Variants in DPP10 observed in about 807,000 individuals in gnomAD.
DPP10 encodes inactive dipeptidyl peptidase 10.
DPP10 carries 33 observed loss-of-function variants against 120.9 expected under a neutral mutation model. That is an observed-to-expected ratio of 0.27 (90% CI 0.21 to 0.37). DPP10 has a LOEUF of 0.37. Among genes scored for constraint, DPP10 ranks in the 10% least tolerant of loss-of-function variants. DPP10 has a pLI of 1.00. For missense variants in DPP10, 816 were observed against 942.8 expected, an observed-to-expected ratio of 0.87 and a Z score of 1.76; for synonymous variants, 337 against 326.1, an observed-to-expected ratio of 1.03 and a Z score of -0.36.
intron 1 of DPP10, among the ~76,000 whole-genome samples, chr2:114,599,836 TA>T (rs1378974617): frequency 4.0e-5 from 6 of 151,736 alleles, no homozygotes; most frequent in Non-Finnish European, 7.4e-5. Context: ...TAGATTTAAT[TA>T]TTGTTTGTGG....
intron 1 of DPP10, among the ~76,000 whole-genome samples, chr2:114,981,662 C>T (rs1700100448): frequency 6.6e-6 from 1 of 152,118 alleles, no homozygotes; most frequent in African/African-American, 2.4e-5. Flanking sequence ...CTCACTGCAG[C>T]CTGGAGCTCC....
intron 1 of DPP10, among the ~76,000 whole-genome samples, chr2:115,285,180 A>G (rs909543534): frequency 4.6e-5 from 7 of 152,052 alleles, no homozygotes; most frequent in Admixed American, 4.6e-4. Flanking sequence ...CCCAGGACCT[A>G]CGTCTCTCTA....
At chr2:114,481,965 A>AG (rs1480408654) in intron 1 of DPP10, among the ~76,000 whole-genome samples, 6 of 145,468 alleles carry the variant, frequency 4.1e-5, no homozygotes, top group African/African-American at 1.4e-4. Context: ...GAGAGGAGAG[A>AG]GAGAGAGAGG....
intron 1 of DPP10, among the ~76,000 whole-genome samples, chr2:115,060,043 A>T (rs1047689434): frequency 1.3e-5 from 2 of 152,066 alleles, no homozygotes; most frequent in Admixed American, 6.6e-5. Context: ...ACTAACAATT[A>T]TTTAAAGCTC....
intron 1 of DPP10, among the ~76,000 whole-genome samples, chr2:114,615,476 G>T (rs1192688793): frequency 6.6e-6 from 1 of 152,112 alleles, no homozygotes; most frequent in Non-Finnish European, 1.5e-5. Flanking sequence ...AGAGACAAAA[G>T]ATCTAGTGCT....
chr2:115,493,986 G>C (rs1012842719), intron 3 of DPP10, among the ~76,000 whole-genome samples: 2 of 152,030 alleles, frequency 1.3e-5, no homozygotes, highest in African/African-American at 2.4e-5. Context: ...GTCTCACTCT[G>C]TTGCCAGGCT....
chr2:115,055,322 A>G (rs1205643253), intron 1 of DPP10, among the ~76,000 whole-genome samples: 1 of 152,176 alleles, frequency 6.6e-6, no homozygotes, highest in Non-Finnish European at 1.5e-5. Flanking sequence ...GCAACTCAAC[A>G]CAAGAAGCAA....
At chr2:115,353,953 G>C (rs1255045818) in intron 3 of DPP10, among the ~76,000 whole-genome samples, 2 of 152,004 alleles carry the variant, frequency 1.3e-5, no homozygotes, top group East Asian at 3.9e-4. Context: ...CAATATTAAA[G>C]GAAAAGTAGA....
intron 1 of DPP10, among the ~76,000 whole-genome samples, chr2:114,847,801 C>A (rs984903299): frequency 1.3e-5 from 2 of 151,920 alleles, no homozygotes; most frequent in East Asian, 1.9e-4. Context: ...CATTAAAATG[C>A]ACAAAATAAA....
At chr2:115,335,677 T>C (rs964470537) in intron 2 of DPP10, among the ~76,000 whole-genome samples, 1 of 152,128 alleles carries the variant, frequency 6.6e-6, no homozygotes, top group Admixed American at 6.6e-5. Flanking sequence ...TTGACTATTG[T>C]GATTTGCATT....
intron 1 of DPP10, among the ~76,000 whole-genome samples, chr2:115,059,801 G>T (rs1365533988): frequency 6.6e-6 from 1 of 151,802 alleles, no homozygotes; most frequent in African/African-American, 2.4e-5. Context: ...AGCAAGCTGC[G>T]GTTAGTTCTA....
At chr2:114,650,699 T>C (rs1482155226) in intron 1 of DPP10, among the ~76,000 whole-genome samples, 2 of 152,000 alleles carry the variant, frequency 1.3e-5, no homozygotes, top group Non-Finnish European at 2.9e-5. Context: ...AGGAGTCTCT[T>C]GGAATTGAAT....
intron 7 of DPP10, among the ~76,000 whole-genome samples, chr2:115,717,179 T>C (rs1368346282): frequency 1.3e-5 from 2 of 152,184 alleles, no homozygotes; most frequent in Non-Finnish European, 2.9e-5. Flanking sequence ...TTTCTTAACA[T>C]TGAGGCTTTG....
At chr2:115,761,956 T>G (rs1680165179) in intron 11 of DPP10, among the ~76,000 whole-genome samples, 1 of 152,150 alleles carries the variant, frequency 6.6e-6, no homozygotes, top group Non-Finnish European at 1.5e-5. Context: ...TAAAGCTTGT[T>G]TTTTCTACAC....
intron 5 of DPP10, among the ~76,000 whole-genome samples, chr2:115,588,983 G>A (rs1179241793): frequency 6.6e-6 from 1 of 152,078 alleles, no homozygotes; most frequent in Non-Finnish European, 1.5e-5. Context: ...ATTATTACTT[G>A]TAAAACGAAA....
At chr2:114,652,940 G>A (rs115635169) in intron 1 of DPP10, among the ~76,000 whole-genome samples, 161 of 151,584 alleles carry the variant, frequency 1.1e-3, no homozygotes, top group African/African-American at 3.8e-3. Context: ...CTAGATGCCA[G>A]GCTACCACCA....
At chr2:115,180,253 A>AT (rs1007862775) in intron 1 of DPP10, among the ~76,000 whole-genome samples, 13 of 152,226 alleles carry the variant, frequency 8.5e-5, no homozygotes, top group Non-Finnish European at 1.3e-4. Flanking sequence ...GACTTTGATA[A>AT]TTTTTTTCAA....
intron 2 of DPP10, among the ~76,000 whole-genome samples, chr2:115,343,124 G>T (rs951581766): frequency 6.6e-6 from 1 of 152,162 alleles, no homozygotes; most frequent in African/African-American, 2.4e-5. Context: ...AAGGGTGTTT[G>T]TAATGCTGAT....
At chr2:114,451,138 T>C (rs1314014755) in intron 1 of DPP10, among the ~76,000 whole-genome samples, 1 of 151,898 alleles carries the variant, frequency 6.6e-6, no homozygotes, top group Non-Finnish European at 1.5e-5. Flanking sequence ...AGAGAGACAA[T>C]GCAAGGCAGG....
Sources: allele counts gnomAD v4.1 joint callset (sites outside exome capture counted in the v4.1 genomes callset), GRCh38; gene constraint gnomAD v4.1.1; transcripts MANE v1.5; gene names NCBI Gene and HGNC (gene_info 2026-07-23, HGNC 2026-07-21).